Variants in GABRA5 observed in about 807,000 individuals in gnomAD.
GABRA5 encodes gamma-aminobutyric acid receptor subunit alpha-5.
Under a neutral mutation model 47.3 loss-of-function variants are expected in GABRA5, and 18 were observed. The observed-to-expected ratio is 0.38, with a 90% CI of 0.26 to 0.56. The LOEUF (loss-of-function observed/expected upper bound fraction) is 0.56, where lower values mean the gene tolerates loss of function less well. Among genes scored for constraint, GABRA5 ranks in the 20% least tolerant of loss-of-function variants. GABRA5 has a pLI of 0.71. For synonymous variants in GABRA5, 237 were observed against 229.3 expected (o/e 1.03, Z -0.30); for missense variants, 365 against 599.3 (o/e 0.61, Z 4.08).
chr15:26,941,924 A>G (rs1894394325), intron 9 of GABRA5, among the ~76,000 whole-genome samples: 1 of 152,204 alleles, frequency 6.6e-6, no homozygotes, highest in South Asian at 2.1e-4. Flanking sequence ...CTGTATTTCC[A>G]AATAAGGCTG....
chr15:26,917,068 T>G (rs1053929540), intron 7 of GABRA5, among the ~76,000 whole-genome samples: 2 of 152,114 alleles, frequency 1.3e-5, no homozygotes, highest in African/African-American at 4.8e-5. Context: ...TATTTCCTTT[T>G]CTTGTTGAAT....
intron 6 of GABRA5, among the ~76,000 whole-genome samples, chr15:26,914,514 G>A (rs1893675521): frequency 6.6e-6 from 1 of 152,134 alleles, no homozygotes; most frequent in South Asian, 2.1e-4. Context: ...AGGAAACAAA[G>A]AATAAATAAC....
Position 26,948,251 on chromosome 15 carries a change from C to T in GABRA5, c.*18C>T, listed in dbSNP as rs774039366. ...CAAAATAACCGGCCACACTCCCAAA[C>T]TCCAAGACAGCCATACTTCCAGCGA... is the stretch of plus-strand genomic sequence containing the variant. On this transcript the variant is annotated 3_prime_UTR_variant, in exon 11 of 11. Transcript: ENST00000335625. 1 of 1,605,128 alleles carries T rather than the reference C, an allele frequency of 6.2e-7. No individual in the cohort carries two copies. The highest frequency in any genetic ancestry group is 8.5e-7 in the Non-Finnish European group (1 of 1,176,394).
intron 7 of GABRA5, among the ~76,000 whole-genome samples, chr15:26,917,404 T>C (rs565868839): frequency 6.6e-6 from 1 of 152,240 alleles, no homozygotes; most frequent in African/African-American, 2.4e-5. Flanking sequence ...TGGACCTTCT[T>C]TGCATCCCAG....
At chr15:26,924,339 G>A (rs1162149264) in intron 7 of GABRA5, among the ~76,000 whole-genome samples, 2 of 151,978 alleles carry the variant, frequency 1.3e-5, no homozygotes, top group African/African-American at 4.8e-5. Flanking sequence ...TCTACTGATA[G>A]TTCCCTAGAT....
chr15:26,914,949 C>A, intron 7 of GABRA5, 64 bp downstream of exon 7: 1 of 1,333,422 alleles, frequency 7.5e-7, no homozygotes, highest in Non-Finnish European at 1.1e-6. Context: ...CACATTTATT[C>A]AGAAGAATTT....
At chr15:26,945,373 A>T (rs537054396) in intron 10 of GABRA5, among the ~76,000 whole-genome samples, 20 of 152,326 alleles carry the variant, frequency 1.3e-4, no homozygotes, top group Non-Finnish European at 2.4e-4. Context: ...CATTGTTCCA[A>T]GTTGGGATCT....
chr15:26,940,565 G>A (rs987079548), intron 9 of GABRA5, among the ~76,000 whole-genome samples: 8 of 152,184 alleles, frequency 5.3e-5, no homozygotes, highest in Admixed American at 3.3e-4. Context: ...ATTCTGTAGC[G>A]TTTCAGGTTT....
intron 7 of GABRA5, among the ~76,000 whole-genome samples, chr15:26,918,264 G>T (rs997044261): frequency 6.6e-6 from 1 of 151,876 alleles, no homozygotes; most frequent in Non-Finnish European, 1.5e-5. Context: ...TTGGCCCATT[G>T]GTTGTACAAA....
intron 6 of GABRA5, among the ~76,000 whole-genome samples, chr15:26,892,199 G>A (rs920612266): frequency 6.6e-6 from 1 of 152,236 alleles, no homozygotes; most frequent in Non-Finnish European, 1.5e-5. Context: ...TGTCTGAAAC[G>A]GTGACTAGAC....
At chr15:26,881,553 T>A (rs1892729561) in intron 4 of GABRA5, among the ~76,000 whole-genome samples, 1 of 152,234 alleles carries the variant, frequency 6.6e-6, no homozygotes, top group African/African-American at 2.4e-5. Context: ...TTCATTGTTG[T>A]GCTAAGAATT....
At chr15:26,932,900 A>G (rs896151010) in intron 7 of GABRA5, among the ~76,000 whole-genome samples, 10 of 152,176 alleles carry the variant, frequency 6.6e-5, no homozygotes, top group Non-Finnish European at 1.5e-4. Flanking sequence ...GAACAATGAG[A>G]ACAGATGGAC....
intron 6 of GABRA5, among the ~76,000 whole-genome samples, chr15:26,890,383 C>T (rs1892975469): frequency 6.6e-6 from 1 of 151,272 alleles, no homozygotes; most frequent in Admixed American, 6.6e-5. Context: ...CCATTGAAAA[C>T]CATGCATAAC....
intron 3 of GABRA5, 107 bp downstream of exon 3, chr15:26,869,441 T>C: frequency 2.7e-6 from 2 of 739,182 alleles, no homozygotes; most frequent in East Asian, 2.5e-5. Flanking sequence ...CCTGCCACCA[T>C]TGCAGTCCCA....
intron 7 of GABRA5, among the ~76,000 whole-genome samples, chr15:26,928,216 C>G (rs1209934509): frequency 6.6e-6 from 1 of 152,142 alleles, no homozygotes; most frequent in Non-Finnish European, 1.5e-5. Flanking sequence ...GTGAATTTCA[C>G]CGGAGTGAGC....
intron 7 of GABRA5, among the ~76,000 whole-genome samples, chr15:26,934,355 C>T (rs188699623): frequency 8.5e-5 from 13 of 152,054 alleles, no homozygotes; most frequent in East Asian, 3.9e-4. Context: ...CTTTTCAAAT[C>T]CCAAAAATTC....
intron 10 of GABRA5, among the ~76,000 whole-genome samples, chr15:26,947,247 G>A (rs1894533169): frequency 1.3e-5 from 2 of 152,150 alleles, no homozygotes; most frequent in South Asian, 4.1e-4. Context: ...AGAGGTACAT[G>A]TGCAGGTTTG....
chr15:26,898,543 G>A (rs1054151943), intron 6 of GABRA5, among the ~76,000 whole-genome samples: 1 of 152,194 alleles, frequency 6.6e-6, no homozygotes, highest in African/African-American at 2.4e-5. Flanking sequence ...TCCAGCGATT[G>A]AAAGCAGCAA....
chr15:26,892,748 A>G (rs942473879), intron 6 of GABRA5, among the ~76,000 whole-genome samples: 7 of 152,342 alleles, frequency 4.6e-5, no homozygotes, highest in African/African-American at 1.7e-4. Context: ...GTTAGCATTC[A>G]CATGGAGAAG....
Sources: gnomAD v4.1 joint callset for allele counts (sites outside exome capture counted in the v4.1 genomes callset) on GRCh38, gnomAD v4.1.1 for gene constraint, MANE v1.5 for transcripts, NCBI Gene and HGNC (gene_info 2026-07-23, HGNC 2026-07-21) for gene names.